The following TACR3 variants were observed in gnomAD, a reference collection of about 807,000 sequenced individuals.
TACR3 encodes neuromedin-K receptor.
TACR3 carries 34 observed loss-of-function variants against 35.0 expected under a neutral mutation model. The observed-to-expected ratio is 0.97, with a 90% CI of 0.74 to 1.30. The LOEUF (loss-of-function observed/expected upper bound fraction) is 1.30. TACR3 is among the 50% of genes most tolerant of loss of function. The pLI, the probability that TACR3 is intolerant of heterozygous loss-of-function variation, is 0.00. For missense variants in TACR3, 558 were observed against 591.7 expected (o/e 0.94, Z 0.59); for synonymous variants, 233 against 221.1 (o/e 1.05, Z -0.48).
At chr4:103,674,719 T>G (rs1726129469) in intron 1 of TACR3, among the ~76,000 whole-genome samples, 1 of 152,138 alleles carries the variant, frequency 6.6e-6, no homozygotes, top group South Asian at 2.1e-4. Context: ...GCCTGGCTAA[T>G]TTTTGTACTT....
chr4:103,592,618 T>C (rs1206012160), intron 3 of TACR3, among the ~76,000 whole-genome samples: 4 of 152,182 alleles, frequency 2.6e-5, no homozygotes, highest in Admixed American at 2.0e-4. Context: ...TTTGGGAATT[T>C]GGAAATAGTA....
At chr4:103,638,007 A>G (rs1350639729) in intron 3 of TACR3, among the ~76,000 whole-genome samples, 5 of 152,210 alleles carry the variant, frequency 3.3e-5, no homozygotes, top group Non-Finnish European at 7.3e-5. Context: ...AAAAAAGGCC[A>G]TACTGCCAAA....
chr4:103,685,380 A>G (rs1041990261), intron 1 of TACR3, among the ~76,000 whole-genome samples: 1 of 152,228 alleles, frequency 6.6e-6, no homozygotes, highest in Non-Finnish European at 1.5e-5. Flanking sequence ...TCATACATCT[A>G]AAAGTAAAAC....
At chr4:103,638,073 G>C (rs987673863) in intron 3 of TACR3, among the ~76,000 whole-genome samples, 1 of 152,108 alleles carries the variant, frequency 6.6e-6, no homozygotes, top group Non-Finnish European at 1.5e-5. Flanking sequence ...TTTCTTCACA[G>C]AATTGGAAAA....
chr4:103,635,786 T>A (rs2110315279), intron 3 of TACR3, among the ~76,000 whole-genome samples: 1 of 138,514 alleles, frequency 7.2e-6, no homozygotes, highest in African/African-American at 2.9e-5. Context: ...GTAGCTCTTA[T>A]TATTTTATGA....
intron 3 of TACR3, among the ~76,000 whole-genome samples, chr4:103,606,398 C>A (rs1170521949): frequency 1.3e-5 from 2 of 152,142 alleles, no homozygotes; most frequent in African/African-American, 4.8e-5. Context: ...GGCATTGAAT[C>A]TGTAAATTAC....
At chr4:103,629,678 G>T (rs1418189683) in intron 3 of TACR3, among the ~76,000 whole-genome samples, 1 of 151,758 alleles carries the variant, frequency 6.6e-6, no homozygotes, top group Non-Finnish European at 1.5e-5. Flanking sequence ...ATGCTCATGG[G>T]TAGGAAGAAT....
At chr4:103,670,334 C>T (rs1726028774) in intron 1 of TACR3, among the ~76,000 whole-genome samples, 1 of 150,994 alleles carries the variant, frequency 6.6e-6, no homozygotes, top group Non-Finnish European at 1.5e-5. Flanking sequence ...TGATTCCATA[C>T]AACTTTTAGG....
chr4:103,652,904 T>G (rs1022912193), intron 3 of TACR3, among the ~76,000 whole-genome samples: 1 of 152,060 alleles, frequency 6.6e-6, no homozygotes, highest in African/African-American at 2.4e-5. Context: ...TTATTAGTAA[T>G]AGCTGTATTC....
intron 1 of TACR3, among the ~76,000 whole-genome samples, chr4:103,669,973 A>G (rs76369354): frequency 0.061 from 9,310 of 152,082 alleles, 417 homozygotes; most frequent in Non-Finnish European, 0.096. Flanking sequence ...GTCTTTAATT[A>G]ATTTTTATTT....
At chr4:103,700,209 C>A (rs763037324) in intron 1 of TACR3, among the ~76,000 whole-genome samples, 1 of 152,060 alleles carries the variant, frequency 6.6e-6, no homozygotes, top group East Asian at 1.9e-4. Flanking sequence ...TTAAAGCTAT[C>A]AAAGTAGTAT....
chr4:103,708,450 C>T (rs756219112), intron 1 of TACR3, among the ~76,000 whole-genome samples: 1 of 152,214 alleles, frequency 6.6e-6, no homozygotes. Context: ...AGGGTCCTGA[C>T]TGTTAGAAGG....
intron 3 of TACR3, among the ~76,000 whole-genome samples, chr4:103,621,166 G>T (rs1724770222): frequency 6.6e-6 from 1 of 152,186 alleles, no homozygotes. Context: ...AGTCCTTCTA[G>T]AAGAATAGCT....
At chr4:103,590,398 T>G (rs1175465038) in intron 4 of TACR3, among the ~76,000 whole-genome samples, 2 of 152,202 alleles carry the variant, frequency 1.3e-5, no homozygotes, top group African/African-American at 2.4e-5. Context: ...CAAAATAGTT[T>G]CTTTCAGAAA....
chr4:103,596,228 T>C (rs1328039137), intron 3 of TACR3, among the ~76,000 whole-genome samples: 1 of 151,862 alleles, frequency 6.6e-6, no homozygotes, highest in Non-Finnish European at 1.5e-5. Context: ...CATGTGTCTT[T>C]ATAGCAGCAT....
At chr4:103,700,422 T>A (rs763763942) in intron 1 of TACR3, among the ~76,000 whole-genome samples, 1 of 152,104 alleles carries the variant, frequency 6.6e-6, no homozygotes, top group Non-Finnish European at 1.5e-5. Flanking sequence ...AGGAGAAACA[T>A]CTTATAGATG....
chr4:103,712,238 T>G (rs925949137), intron 1 of TACR3, among the ~76,000 whole-genome samples: 1 of 152,118 alleles, frequency 6.6e-6, no homozygotes, highest in Non-Finnish European at 1.5e-5. Context: ...CTACCTGACT[T>G]CAAACTATAC....
chr4:103,692,428 A>G (rs1578259888), intron 1 of TACR3, among the ~76,000 whole-genome samples: 1 of 152,194 alleles, frequency 6.6e-6, no homozygotes, highest in East Asian at 1.9e-4. Flanking sequence ...TGACAGAATT[A>G]AGATGAGAAA....
intron 1 of TACR3, among the ~76,000 whole-genome samples, chr4:103,697,511 G>A (rs1183522841): frequency 5.3e-5 from 8 of 151,618 alleles, no homozygotes; most frequent in Non-Finnish European, 8.8e-5. Context: ...TGCAAGCTTC[G>A]CCTCCCGGGT....
Sources: gnomAD v4.1 joint callset for allele counts (sites outside exome capture counted in the v4.1 genomes callset) on GRCh38, gnomAD v4.1.1 for gene constraint, MANE v1.5 for transcripts, NCBI Gene and HGNC (gene_info 2026-07-23, HGNC 2026-07-21) for gene names.